The following FOXP2 variants were observed in gnomAD, a reference collection of about 807,000 sequenced individuals.
FOXP2 encodes the protein forkhead box P2, also known as forkhead box protein P2.
FOXP2 carries 12 observed loss-of-function variants against 115.8 expected under a neutral mutation model. The observed-to-expected ratio is 0.10, with a 90% CI of 0.07 to 0.17. The LOEUF (loss-of-function observed/expected upper bound fraction) is 0.17. FOXP2 is among the 10% of genes least tolerant of loss of function. The pLI is 1.00. For missense variants in FOXP2, 629 were observed against 843.5 expected (o/e 0.75, Z 3.15); for synonymous variants, 328 against 297.7 (o/e 1.10, Z -1.05).
At position 114,535,342 on chromosome 7, in the gene FOXP2, G is replaced by A. The variant is rs146008986; in HGVS notation, c.258+636G>A. 4.0e-4 allele frequency among the ~76,000 whole-genome samples: 61 copies of A among 151,352 alleles called. 1 individual carries two copies. Among genetic ancestry groups the A allele is most frequent in the African/African-American group, 1.4e-3 (57 of 41,372 alleles). On this transcript the variant is annotated intron_variant, in intron 3 of 16. Transcript: ENST00000350908. ...AATATGTGGGACATTTTCTTGGTGG[G>A]GGGGGAAACATTTTTAAGGTATATT...
chr7:114,126,099 T>A (rs1457832119), intron 1 of FOXP2, among the ~76,000 whole-genome samples: 3 of 152,054 alleles, frequency 2.0e-5, no homozygotes, highest in Admixed American at 2.0e-4. Flanking sequence ...GATAAACAGA[T>A]GTGTAAATAG....
chr7:114,122,307 T>C (rs879528996), intron 1 of FOXP2, among the ~76,000 whole-genome samples: 2 of 152,060 alleles, frequency 1.3e-5, no homozygotes, highest in Admixed American at 6.6e-5. Flanking sequence ...CCAAATATAG[T>C]AGAGTTTTTA....
intron 1 of FOXP2, among the ~76,000 whole-genome samples, chr7:114,197,373 G>A (rs868113366): frequency 1.3e-5 from 2 of 152,186 alleles, no homozygotes; most frequent in Non-Finnish European, 2.9e-5. Context: ...AGAATGGTCA[G>A]GTTCTGGTGA....
At chr7:114,495,174 G>A (rs1797250792) in intron 2 of FOXP2, among the ~76,000 whole-genome samples, 1 of 152,180 alleles carries the variant, frequency 6.6e-6, no homozygotes, top group Non-Finnish European at 1.5e-5. Context: ...TAAATTTGAT[G>A]TGCACTAGAA....
chr7:114,600,528 T>A (rs1466613778), intron 3 of FOXP2, among the ~76,000 whole-genome samples: 1 of 152,040 alleles, frequency 6.6e-6, no homozygotes, highest in Non-Finnish European at 1.5e-5. Flanking sequence ...TGGATAAATA[T>A]GTGAGAGCAC....
intron 2 of FOXP2, among the ~76,000 whole-genome samples, chr7:114,301,433 C>T (rs1358424175): frequency 2.0e-5 from 3 of 152,080 alleles, no homozygotes; most frequent in South Asian, 4.1e-4. Context: ...CCTGTCCACA[C>T]GTTAACAGTG....
intron 1 of FOXP2, among the ~76,000 whole-genome samples, chr7:114,163,380 T>C (rs915729442): frequency 6.6e-6 from 1 of 152,140 alleles, no homozygotes; most frequent in Non-Finnish European, 1.5e-5. Context: ...AAATTTCCTT[T>C]GATATAGTAT....
chr7:114,123,923 A>C (rs1194407505), intron 1 of FOXP2, among the ~76,000 whole-genome samples: 1 of 152,078 alleles, frequency 6.6e-6, no homozygotes, highest in Non-Finnish European at 1.5e-5. Flanking sequence ...GTTTACATAT[A>C]TTAAAAAACT....
At chr7:114,142,611 T>C (rs1792249429) in intron 1 of FOXP2, among the ~76,000 whole-genome samples, 2 of 152,234 alleles carry the variant, frequency 1.3e-5, no homozygotes, top group South Asian at 4.1e-4. Flanking sequence ...ACTTAAACTC[T>C]TCAAAAGGAA....
intron 1 of FOXP2, among the ~76,000 whole-genome samples, chr7:114,108,928 G>A (rs967383550): frequency 2.6e-5 from 4 of 151,608 alleles, no homozygotes; most frequent in Admixed American, 6.6e-5. Context: ...TGTTTTTAGC[G>A]GAAAAAAATA....
chr7:114,575,305 G>T (rs1051920731), intron 3 of FOXP2, among the ~76,000 whole-genome samples: 2 of 151,754 alleles, frequency 1.3e-5, no homozygotes, highest in African/African-American at 4.8e-5. Flanking sequence ...TAGTAAACAT[G>T]CAATAGATGT....
chr7:114,389,506 T>C (rs1332866002), intron 2 of FOXP2, among the ~76,000 whole-genome samples: 1 of 152,230 alleles, frequency 6.6e-6, no homozygotes, highest in African/African-American at 2.4e-5. Context: ...ATGTCTCCTT[T>C]TCTTCTCCAA....
At chr7:114,642,812 ATTTTTT>A (rs869136743) in intron 7 of FOXP2, among the ~76,000 whole-genome samples, 189 bp downstream of exon 7, 2 of 72,438 alleles carry the variant, frequency 2.8e-5, no homozygotes, top group African/African-American at 1.4e-4. Context: ...ATATATATAT[ATTTTTT>A]TTTTTTTTTA....
chr7:114,181,650 G>C (rs998398143), intron 1 of FOXP2, among the ~76,000 whole-genome samples: 1 of 151,942 alleles, frequency 6.6e-6, no homozygotes, highest in African/African-American at 2.4e-5. Context: ...GCCAAAATTT[G>C]AACTTTCACA....
chr7:114,266,216 C>G (rs1432307011), intron 1 of FOXP2, among the ~76,000 whole-genome samples: 1 of 152,152 alleles, frequency 6.6e-6, no homozygotes, highest in Admixed American at 6.5e-5. Flanking sequence ...GCCCTCCAAA[C>G]TCTTCCAACC....
chr7:114,226,313 A>G (rs1230317789), intron 1 of FOXP2, among the ~76,000 whole-genome samples: 1 of 152,198 alleles, frequency 6.6e-6, no homozygotes, highest in East Asian at 1.9e-4. Context: ...ACTCACAGGA[A>G]CATACTGTGG....
intron 3 of FOXP2, among the ~76,000 whole-genome samples, chr7:114,566,377 G>A (rs1801022467): frequency 6.6e-6 from 1 of 151,932 alleles, no homozygotes; most frequent in Non-Finnish European, 1.5e-5. Flanking sequence ...GAGGTGTTTG[G>A]GTCATGAGAG....
chr7:114,513,639 A>G (rs953202119), intron 2 of FOXP2, among the ~76,000 whole-genome samples: 1 of 152,122 alleles, frequency 6.6e-6, no homozygotes, highest in Non-Finnish European at 1.5e-5. Context: ...ATTTTCATAA[A>G]AAGTTTTATG....
At chr7:114,244,363 A>T (rs1795225181) in intron 1 of FOXP2, among the ~76,000 whole-genome samples, 1 of 152,246 alleles carries the variant, frequency 6.6e-6, no homozygotes, top group Non-Finnish European at 1.5e-5. Context: ...ATCATCCAGG[A>T]TACCACATTA....
Sources: gnomAD v4.1 joint callset for allele counts (sites outside exome capture counted in the v4.1 genomes callset) on GRCh38, gnomAD v4.1.1 for gene constraint, MANE v1.5 for transcripts, NCBI Gene and HGNC (gene_info 2026-07-23, HGNC 2026-07-21) for gene names.